The following MAGI2 variants were observed in gnomAD, a reference collection of about 807,000 sequenced individuals.
The protein encoded by MAGI2 is membrane-associated guanylate kinase, WW and PDZ domain-containing protein 2.
MAGI2 carries 35 observed loss-of-function variants against 133.3 expected under a neutral mutation model. The ratio of observed to expected loss-of-function variants is 0.26; its 90% confidence interval spans 0.20 to 0.35. The LOEUF is 0.35. Among genes scored for constraint, MAGI2 ranks in the 10% least tolerant of loss-of-function variants. MAGI2 has a pLI of 1.00. For synonymous variants in MAGI2, 729 were observed against 710.6 expected, an observed-to-expected ratio of 1.03 and a Z score of -0.41; for missense variants, 1,636 against 1,863.4, an observed-to-expected ratio of 0.88 and a Z score of 2.25.
chr7:79,320,207 CA>C (rs1183758826), intron 1 of MAGI2, among the ~76,000 whole-genome samples: 1 of 151,854 alleles, frequency 6.6e-6, no homozygotes, highest in African/African-American at 2.4e-5. Context: ...CCCATATATA[CA>C]AAAAATCCCT....
intron 1 of MAGI2, among the ~76,000 whole-genome samples, chr7:79,335,591 T>C (rs2129094672): frequency 6.6e-6 from 1 of 152,140 alleles, no homozygotes; most frequent in African/African-American, 2.4e-5. Flanking sequence ...ATGGTAAATC[T>C]ATAGGAAATA....
At chr7:78,067,065 G>A (rs539648145) in intron 21 of MAGI2, among the ~76,000 whole-genome samples, 3 of 152,308 alleles carry the variant, frequency 2.0e-5, no homozygotes, top group East Asian at 1.9e-4. Flanking sequence ...CTAACACCTC[G>A]AGGTTAAATG....
intron 1 of MAGI2, among the ~76,000 whole-genome samples, chr7:79,189,813 A>T (rs1321103337): frequency 6.6e-6 from 1 of 151,652 alleles, no homozygotes; most frequent in Non-Finnish European, 1.5e-5. Flanking sequence ...ACAACCATGG[A>T]TCTTTTTACT....
intron 1 of MAGI2, among the ~76,000 whole-genome samples, chr7:79,071,697 C>A (rs572803963): frequency 6.6e-6 from 1 of 151,750 alleles, no homozygotes; most frequent in Admixed American, 6.6e-5. Context: ...CTGGCTGCCG[C>A]GGCCTTACGG....
intron 2 of MAGI2, among the ~76,000 whole-genome samples, chr7:78,929,024 C>T (rs1383166589): frequency 1.3e-5 from 2 of 151,896 alleles, no homozygotes; most frequent in Non-Finnish European, 2.9e-5. Flanking sequence ...TAAGCTCTCT[C>T]AGAGGTTAAA....
chr7:79,174,048 C>T (rs773331195), intron 1 of MAGI2, among the ~76,000 whole-genome samples: 1 of 151,820 alleles, frequency 6.6e-6, no homozygotes, highest in South Asian at 2.1e-4. Context: ...TAGAATTCAT[C>T]ACATAATACT....
chr7:78,840,562 G>C (rs1412035604), intron 2 of MAGI2, among the ~76,000 whole-genome samples: 1 of 152,010 alleles, frequency 6.6e-6, no homozygotes, highest in Non-Finnish European at 1.5e-5. Flanking sequence ...TCTATTTAGA[G>C]AAATGTTTTC....
chr7:79,099,533 T>C (rs746078966), intron 1 of MAGI2, among the ~76,000 whole-genome samples: 1 of 152,174 alleles, frequency 6.6e-6, no homozygotes, highest in Non-Finnish European at 1.5e-5. Flanking sequence ...TATAGGTAAA[T>C]TGCTTGTCAT....
chr7:78,667,235 A>G (rs1001918360), intron 2 of MAGI2, among the ~76,000 whole-genome samples: 2 of 150,598 alleles, frequency 1.3e-5, no homozygotes, highest in Non-Finnish European at 3.0e-5. Context: ...TTATGTCCAC[A>G]CCCCTGCCCA....
chr7:79,198,758 G>A (rs182772290), intron 1 of MAGI2, among the ~76,000 whole-genome samples: 136 of 151,950 alleles, frequency 9.0e-4, no homozygotes, highest in Non-Finnish European at 1.2e-3. Flanking sequence ...TGTGGTAGTG[G>A]GTGCCTGTAA....
intron 15 of MAGI2, among the ~76,000 whole-genome samples, chr7:78,163,129 AGTTTGTTT>A (rs548597970): frequency 6.6e-6 from 1 of 151,876 alleles, no homozygotes; most frequent in Admixed American, 6.6e-5. Context: ...TAATTAGTTT[AGTTTGTTT>A]GTTTGTTTGT....
chr7:79,297,440 T>G (rs1837025452), intron 1 of MAGI2, among the ~76,000 whole-genome samples: 1 of 152,182 alleles, frequency 6.6e-6, no homozygotes, highest in Non-Finnish European at 1.5e-5. Flanking sequence ...GCTCTTCCCA[T>G]GTGAGAACTA....
intron 3 of MAGI2, among the ~76,000 whole-genome samples, chr7:78,550,831 A>AGACAAGTT (rs1204085662): frequency 6.6e-6 from 1 of 151,964 alleles, no homozygotes; most frequent in Non-Finnish European, 1.5e-5. Flanking sequence ...ATTTCCATAG[A>AGACAAGTT]GACAAGTTAA....
chr7:79,072,724 A>C (rs1453710533), intron 1 of MAGI2, among the ~76,000 whole-genome samples: 2 of 152,228 alleles, frequency 1.3e-5, no homozygotes, highest in Non-Finnish European at 2.9e-5. Context: ...TTATGCATAG[A>C]CCAGGCAGAA....
chr7:78,433,921 T>TTG (rs1378915482), intron 6 of MAGI2, among the ~76,000 whole-genome samples: 1 of 152,106 alleles, frequency 6.6e-6, no homozygotes, highest in Non-Finnish European at 1.5e-5. Flanking sequence ...TAGCTAATCA[T>TTG]TGAATGAATG....
intron 6 of MAGI2, among the ~76,000 whole-genome samples, chr7:78,475,400 C>A (rs1791642286): frequency 6.6e-6 from 1 of 151,912 alleles, no homozygotes; most frequent in Non-Finnish European, 1.5e-5. Context: ...TAGGAAAAGG[C>A]AGTTTTAAGA....
At chr7:78,802,899 A>G (rs1788192652) in intron 2 of MAGI2, among the ~76,000 whole-genome samples, 1 of 150,000 alleles carries the variant, frequency 6.7e-6, no homozygotes, top group African/African-American at 2.5e-5. Flanking sequence ...CAGTGAACCT[A>G]AAACTGCTCT....
At chr7:79,210,609 AT>A (rs1462192389) in intron 1 of MAGI2, among the ~76,000 whole-genome samples, 5 of 152,062 alleles carry the variant, frequency 3.3e-5, no homozygotes, top group Admixed American at 3.3e-4. Flanking sequence ...ATATTTTTGC[AT>A]GGGAAATGTC....
At chr7:79,191,607 C>T (rs1401233902) in intron 1 of MAGI2, among the ~76,000 whole-genome samples, 6 of 150,790 alleles carry the variant, frequency 4.0e-5, no homozygotes, top group African/African-American at 4.9e-5. Flanking sequence ...AAAATAAAAT[C>T]TCAAATATGT....
Sources: allele counts gnomAD v4.1 joint callset (sites outside exome capture counted in the v4.1 genomes callset), GRCh38; gene constraint gnomAD v4.1.1; transcripts MANE v1.5; gene names NCBI Gene and HGNC (gene_info 2026-07-23, HGNC 2026-07-21).